The following HEATR1 variants were observed in gnomAD, a reference collection of about 807,000 sequenced individuals.
HEATR1 encodes HEAT repeat containing 1.
A neutral mutation model predicts 248.2 loss-of-function variants in HEATR1; 77 were observed. The ratio of observed to expected loss-of-function variants is 0.31; its 90% confidence interval spans 0.26 to 0.37. The LOEUF (loss-of-function observed/expected upper bound fraction) is 0.37, where lower values mean the gene tolerates loss of function less well. Ranked by LOEUF, HEATR1 falls within the 10% of genes least tolerant of loss-of-function variation. HEATR1 has a pLI of 1.00. For synonymous variants in HEATR1, 897 were observed against 923.1 expected (o/e 0.97, Z 0.51); for missense variants, 2,420 against 2,504.9 (o/e 0.97, Z 0.72).
intron 8 of HEATR1, among the ~76,000 whole-genome samples, chr1:236,595,094 A>G (rs1664136476): frequency 6.6e-6 from 1 of 151,896 alleles, no homozygotes; most frequent in Admixed American, 6.6e-5. Flanking sequence ...GCTTTGTTTC[A>G]TAATTTGGAT....
intron 3 of HEATR1, among the ~76,000 whole-genome samples, chr1:236,600,118 A>ACTTT (rs1664278590): frequency 2.0e-5 from 1 of 50,286 alleles, no homozygotes; most frequent in African/African-American, 8.0e-5. Flanking sequence ...GTCTGTCAAC[A>ACTTT]TTTTTTTTTT....
chr1:236,592,318 A>G (rs1271411534), intron 10 of HEATR1, among the ~76,000 whole-genome samples: 1 of 152,158 alleles, frequency 6.6e-6, no homozygotes, highest in Non-Finnish European at 1.5e-5. Flanking sequence ...TCTATAAAAA[A>G]TTATACTCTC....
chr1:236,567,526 C>A (rs748235601), intron 29 of HEATR1, among the ~76,000 whole-genome samples: 14 of 152,192 alleles, frequency 9.2e-5, no homozygotes, highest in Non-Finnish European at 2.1e-4. Context: ...GCCAGGCCAA[C>A]ATGGTTAAAC....
At chr1:236,591,002 G>T in intron 11 of HEATR1, 48 bp from the exon 12 acceptor site, 1 of 939,916 alleles carries the variant, frequency 1.1e-6, no homozygotes, top group Non-Finnish European at 1.5e-6. Context: ...AATCTGAACA[G>T]TCTATGATCA....
In HEATR1 at chr1:236,592,558, T is replaced by A. The variant is rs748162961; in HGVS notation, c.1269A>T (p.Glu423Asp). The A allele has an allele frequency of 2.0e-6, 3 of 1,503,630 alleles. No homozygotes were observed. In the African/African-American group the frequency reaches 4.1e-5, roughly 20 times the overall value. The allele number at this position is 1,503,630 out of a possible 1,614,324, so 93.1% of individuals were successfully genotyped here. Residue 423 changes from glutamate to aspartate, a missense_variant, in exon 10 of 45, where the codon GAA becomes GAT. Transcript: ENST00000366582. ...AAAGCCTAATGAGTGGAAGAAATTG[T>A]TCATTAAGCAAAGACACTTTATTAG... ...MDSNKVSLLNEQFLPLIRLLE... is the reference protein window; with the variant it reads ...MDSNKVSLLNDQFLPLIRLLE...
At chr1:236,569,476 A>G (rs2794778) in intron 28 of HEATR1, among the ~76,000 whole-genome samples, 104,299 of 152,094 alleles carry the variant, frequency 0.69, 36,061 homozygotes, top group Non-Finnish European at 0.72. Context: ...CCATTTCAAC[A>G]ATTCATTACA....
At position 236,595,989 on chromosome 1, in the gene HEATR1, T is replaced by C. The variant is rs201126687; in HGVS notation, c.800A>G (p.Gln267Arg). 5 of 1,613,902 alleles carry C rather than the reference T, an allele frequency of 3.1e-6. No homozygotes were observed. The East Asian group carries it at 1.1e-4, about 36-fold the overall frequency. The part of the protein sequence containing the change: ...YRAATYMIIC[Q>R]ISVKVTMENT... ...TTCCATGGTCACTTTCACAGAAATC[T>C]GACATATTATCATGTATGTTGCAGC... The change falls in exon 7 of 45, where the codon CAG (glutamine) becomes CGG (arginine). Residue 267 changes from glutamine to arginine, a missense_variant. By Grantham distance (43) the Gln-to-Arg change is conservative. Coordinates refer to ENST00000366582, the MANE Select transcript of HEATR1 (RefSeq NM_018072.6).
At chr1:236,575,854 C>G (rs1339381837) in intron 22 of HEATR1, among the ~76,000 whole-genome samples, 1 of 152,178 alleles carries the variant, frequency 6.6e-6, no homozygotes, top group African/African-American at 2.4e-5. Context: ...TTTTCATAGA[C>G]TCGTGTCCAA....
Position 236,572,398 on chromosome 1 carries a change from C to G in HEATR1, c.3707+13G>C. The G allele has an allele frequency of 1.2e-6, 2 of 1,613,612 alleles. No homozygotes were observed. The highest frequency in any genetic ancestry group is 1.7e-6 in the Non-Finnish European group (2 of 1,179,714). On this transcript the variant is annotated intron_variant, in intron 26 of 44. Coordinates refer to ENST00000366582, the MANE Select transcript of HEATR1 (RefSeq NM_018072.6). ...GTCCTATTCTCTCACAGATCAAAGC[C>G]AAGTGTCATTACCTTGATAGCAAGT...
At chr1:236,576,698 C>G (rs1027214452) in intron 21 of HEATR1, 82 bp downstream of exon 21, 4 of 1,286,698 alleles carry the variant, frequency 3.1e-6, no homozygotes, top group Admixed American at 2.2e-5. Flanking sequence ...AATCCCTACA[C>G]AGTGAAATGT....
At chr1:236,561,846 C>T (rs1663141087) in intron 32 of HEATR1, among the ~76,000 whole-genome samples, 1 of 152,138 alleles carries the variant, frequency 6.6e-6, no homozygotes, top group Non-Finnish European at 1.5e-5. Flanking sequence ...ATCCATTTGC[C>T]TCTGTTGTTA....
Position 236,585,929 on chromosome 1 carries a change from A to G in HEATR1, c.1940T>C (p.Val647Ala), listed in dbSNP as rs753834969. Reference sequence around the variant, plus strand: ...TTTTCCTGGCTTTGTGCTTTTAATTACATTTTCAAGAGCTGTAAAGTAAAA... The same window carrying G: ...TTTTCCTGGCTTTGTGCTTTTAATTGCATTTTCAAGAGCTGTAAAGTAAAA... Reference protein sequence around the residue: ...LRGWEEALENVIKSTKPGKLI... With the variant: ...LRGWEEALENAIKSTKPGKLI... Residue 647 changes from valine (V) to alanine (A), a missense_variant, in exon 16 of 45, where the codon GTA becomes GCA. By Grantham distance (64) the Val-to-Ala change is moderately conservative. Transcript: ENST00000366582. The G allele has an allele frequency of 3.1e-6, 5 of 1,613,382 alleles. No individual in the cohort carries two copies. The highest frequency in any genetic ancestry group is 4.2e-6 in the Non-Finnish European group (5 of 1,179,560).
intron 12 of HEATR1, among the ~76,000 whole-genome samples, chr1:236,589,046 T>C (rs1442016765): frequency 6.6e-6 from 1 of 152,056 alleles, no homozygotes; most frequent in Non-Finnish European, 1.5e-5. Context: ...AAATGAAACA[T>C]GGTATGCAAA....
chr1:236,569,847 T>C (rs893870720), intron 28 of HEATR1, among the ~76,000 whole-genome samples: 1 of 152,180 alleles, frequency 6.6e-6, no homozygotes, highest in Non-Finnish European at 1.5e-5. Flanking sequence ...CATAGCAACA[T>C]AATTTATAAT....
rs746366377 is a variant in HEATR1, at chr1:236,583,052, A to T, written c.2386T>A (p.Phe796Ile). ...TTAGGAGCTTTCAGTGCATAAATAAATTTTTTCAAGGAAAATACAAGAAAA... is the reference window on the plus strand; with the variant it reads ...TTAGGAGCTTTCAGTGCATAAATAATTTTTTTCAAGGAAAATACAAGAAAA... ...SVFLVFSLKK[F>I]IYALKAPKSF... The change falls in exon 18 of 45, where the codon TTT becomes ATT. Residue 796 changes from phenylalanine to isoleucine, a missense_variant. Coordinates refer to ENST00000366582, the MANE Select transcript of HEATR1 (RefSeq NM_018072.6). The T allele has an allele frequency of 1.2e-6, 2 of 1,614,116 alleles. No individual in the cohort carries two copies. The highest frequency in any genetic ancestry group is 2.2e-5 in the South Asian group (2 of 91,076).
chr1:236,594,690 A>C (rs1014611280), intron 8 of HEATR1, among the ~76,000 whole-genome samples: 1 of 152,224 alleles, frequency 6.6e-6, no homozygotes, highest in Non-Finnish European at 1.5e-5. Flanking sequence ...GACTGACATA[A>C]GTTTAGAGAA....
Position 236,559,741 on chromosome 1 carries a change from A to G in HEATR1, c.4743T>C (p.Leu1581=). 1 of 1,613,952 alleles carries G rather than the reference A, an allele frequency of 6.2e-7. No homozygotes were observed. Reference sequence around the variant, plus strand: ...TATCTAACAGGTCGTAAGCTTTACTAAGGAGCGCGCGCCAGAACTTCACGG... The same window carrying G: ...TATCTAACAGGTCGTAAGCTTTACTGAGGAGCGCGCGCCAGAACTTCACGG... ...KLTVKFWRAL[L]SKAYDLLDKV... The change falls in exon 34 of 45, where the codon CTT becomes CTC. Residue 1581 remains leucine, a synonymous_variant. Coordinates refer to ENST00000366582, the MANE Select transcript of HEATR1 (RefSeq NM_018072.6).
At position 236,550,106 on chromosome 1, in the gene HEATR1, T is replaced by G. The variant is rs1173206591; in HGVS notation, c.*796A>C. The G allele has an allele frequency of 6.6e-6, 1 of 152,238 alleles. No homozygotes were observed. Among genetic ancestry groups the G allele is most frequent in the Non-Finnish European group, 1.5e-5 (1 of 68,032 alleles). The allele number at this position is 152,238 out of a possible 1,614,324, so 9.4% of individuals were successfully genotyped here. On this transcript the variant is annotated 3_prime_UTR_variant, in exon 45 of 45. Coordinates refer to ENST00000366582, the MANE Select transcript of HEATR1 (RefSeq NM_018072.6). ...GACCCAGTACTAGAGATTAGGGCAC[T>G]TCAAAGCATTGAAAAAAATCTACTG...
At chr1:236,552,573 A>C (rs116821696) in intron 43 of HEATR1, 6,934 of 152,664 alleles carry the variant, frequency 0.045, 201 homozygotes, top group African/African-American at 0.085. Flanking sequence ...GTCGCTTGGG[A>C]TAAACTCCCA....
Sources: gnomAD v4.1 joint callset for allele counts (sites outside exome capture counted in the v4.1 genomes callset) on GRCh38, gnomAD v4.1.1 for gene constraint, MANE v1.5 for transcripts, NCBI Gene and HGNC (gene_info 2026-07-23, HGNC 2026-07-21) for gene names.